Variants in CDIN1 observed in about 807,000 individuals in gnomAD.
The protein encoded by CDIN1 is CDAN1 interacting nuclease 1.
CDIN1 carries 33 observed loss-of-function variants against 45.3 expected under a neutral mutation model. The observed-to-expected ratio is 0.73, with a 90% confidence interval of 0.55 to 0.97. CDIN1 has a LOEUF of 0.97. Among genes scored for constraint, CDIN1 ranks in the 50% least tolerant of loss-of-function variants. The pLI is 0.00. For missense variants in CDIN1, 303 were observed against 339.4 expected (o/e 0.89, Z 0.84); for synonymous variants, 118 against 124.4 (o/e 0.95, Z 0.34).
chr15:36,658,511 T>C (rs1595433779), intron 5 of CDIN1, among the ~76,000 whole-genome samples: 1 of 152,194 alleles, frequency 6.6e-6, no homozygotes, highest in Non-Finnish European at 1.5e-5. Context: ...ATATTCAAAG[T>C]GAGTCATGAA....
At chr15:36,701,131 T>C (rs949805378) in intron 8 of CDIN1, among the ~76,000 whole-genome samples, 14 of 96,044 alleles carry the variant, frequency 1.5e-4, no homozygotes, top group Non-Finnish European at 2.6e-4. Context: ...GGTAGATAGA[T>C]AGATAGATAG....
At chr15:36,761,812 T>G (rs536829605) in intron 10 of CDIN1, among the ~76,000 whole-genome samples, 1 of 152,210 alleles carries the variant, frequency 6.6e-6, no homozygotes, top group Non-Finnish European at 1.5e-5. Context: ...CATACTGATA[T>G]GCAAGATTTT....
chr15:36,768,619 T>G (rs914141989), intron 10 of CDIN1, among the ~76,000 whole-genome samples: 1 of 152,158 alleles, frequency 6.6e-6, no homozygotes, highest in Non-Finnish European at 1.5e-5. Flanking sequence ...TCCCCATCCT[T>G]GCATTACAAA....
rs1056549137 is a variant in CDIN1 at position 36,604,614 on chromosome 15, T to C, written c.101+24653T>C. On this transcript the variant is annotated intron_variant, in intron 1 of 10. Coordinates refer to ENST00000566621, the MANE Select transcript of CDIN1 (RefSeq NM_001321759.2). ...GACCTTTTAAAAGTATTTACACATA[T>C]AGTTAGTACACTCAGAAGAAAGTAT... Among the ~76,000 whole-genome samples, 7 of 152,108 alleles carry C rather than the reference T, an allele frequency of 4.6e-5. No homozygotes were observed. In the East Asian group the frequency reaches 9.6e-4, roughly 21 times the overall value.
chr15:36,679,163 A>C (rs1447454427), intron 5 of CDIN1, among the ~76,000 whole-genome samples: 1 of 151,976 alleles, frequency 6.6e-6, no homozygotes, highest in Non-Finnish European at 1.5e-5. Context: ...GCCACAAAAG[A>C]GTGTGTATGT....
chr15:36,583,178 G>A (rs1401299715), intron 1 of CDIN1, among the ~76,000 whole-genome samples: 4 of 151,346 alleles, frequency 2.6e-5, no homozygotes, highest in African/African-American at 9.7e-5. Context: ...TTTATACTTA[G>A]GAAGTTCTTT....
chr15:36,649,924 T>C (rs2040503955), intron 3 of CDIN1, among the ~76,000 whole-genome samples: 1 of 152,202 alleles, frequency 6.6e-6, no homozygotes, highest in Non-Finnish European at 1.5e-5. Flanking sequence ...TTTAGCATTG[T>C]AAATGGGGCA....
At chr15:36,788,106 A>ATATATTTTT (rs1343541345) in intron 10 of CDIN1, among the ~76,000 whole-genome samples, 4 of 50,528 alleles carry the variant, frequency 7.9e-5, no homozygotes, top group African/African-American at 3.1e-4. Context: ...ATATATATAT[A>ATATATTTTT]TTTTTTTTTT....
intron 1 of CDIN1, among the ~76,000 whole-genome samples, chr15:36,610,375 T>C (rs1264870943): frequency 1.3e-5 from 2 of 152,230 alleles, no homozygotes; most frequent in African/African-American, 4.8e-5. Context: ...TTTATAAATC[T>C]TTTCAGTTGT....
At chr15:36,584,251 G>A (rs2037185009) in intron 1 of CDIN1, among the ~76,000 whole-genome samples, 1 of 152,132 alleles carries the variant, frequency 6.6e-6, no homozygotes, top group African/African-American at 2.4e-5. Flanking sequence ...CTGTTCAACA[G>A]AGCGAGACCC....
At chr15:36,804,789 C>G (rs975794620) in intron 10 of CDIN1, 1 of 149,746 alleles carries the variant, frequency 6.7e-6, no homozygotes, top group African/African-American at 2.5e-5. Context: ...TCTCCCACCA[C>G]AGCCTCTAGA....
At chr15:36,680,725 T>A (rs2041822372) in intron 5 of CDIN1, among the ~76,000 whole-genome samples, 1 of 152,146 alleles carries the variant, frequency 6.6e-6, no homozygotes, top group South Asian at 2.1e-4. Flanking sequence ...AACTCTACTT[T>A]CTTGGAGAAA....
intron 10 of CDIN1, among the ~76,000 whole-genome samples, chr15:36,733,331 T>TG (rs1566937673): frequency 6.6e-6 from 1 of 152,096 alleles, no homozygotes; most frequent in African/African-American, 2.4e-5. Flanking sequence ...TTTTAAAACC[T>TG]GCATTTACTT....
At chr15:36,726,307 T>C (rs2043622284) in intron 10 of CDIN1, among the ~76,000 whole-genome samples, 1 of 152,168 alleles carries the variant, frequency 6.6e-6, no homozygotes, top group Non-Finnish European at 1.5e-5. Context: ...GCTGAGCACA[T>C]TCAGCTTCTG....
chr15:36,676,133 A>G (rs1450565077), intron 5 of CDIN1, among the ~76,000 whole-genome samples: 1 of 152,178 alleles, frequency 6.6e-6, no homozygotes, highest in East Asian at 1.9e-4. Context: ...TTTAGTTCCC[A>G]GGAAATGTTT....
chr15:36,727,930 T>C (rs897923286), intron 10 of CDIN1, among the ~76,000 whole-genome samples: 5 of 152,168 alleles, frequency 3.3e-5, no homozygotes, highest in Non-Finnish European at 7.3e-5. Context: ...TGGAATACAC[T>C]TGTTGGTCTA....
chr15:36,662,834 CAGA>C (rs904970388), intron 5 of CDIN1, among the ~76,000 whole-genome samples: 1 of 144,798 alleles, frequency 6.9e-6, no homozygotes, highest in Non-Finnish European at 1.5e-5. Flanking sequence ...TGTCTGGGAC[CAGA>C]AGTGTTTCAG....
chr15:36,681,432 G>C (rs2041848284), intron 5 of CDIN1, among the ~76,000 whole-genome samples: 1 of 152,148 alleles, frequency 6.6e-6, no homozygotes. Context: ...AGGAGACATA[G>C]AGGATAGAAT....
chr15:36,786,906 C>T (rs2054506194), intron 10 of CDIN1, among the ~76,000 whole-genome samples: 1 of 152,100 alleles, frequency 6.6e-6, no homozygotes, highest in Admixed American at 6.6e-5. Flanking sequence ...CCACTCTTTC[C>T]TGATTCTCTT....
Sources: gnomAD v4.1 joint callset for allele counts (sites outside exome capture counted in the v4.1 genomes callset) on GRCh38, gnomAD v4.1.1 for gene constraint, MANE v1.5 for transcripts, NCBI Gene and HGNC (gene_info 2026-07-23, HGNC 2026-07-21) for gene names.